The following TMEM150B variants were observed in gnomAD, a reference collection of about 807,000 sequenced individuals.
TMEM150B encodes the protein transmembrane protein 150B, also known as modulator of macroautophagy TMEM150B.
In TMEM150B, 33 loss-of-function variants were observed where a neutral mutation model predicts 25.2. The observed-to-expected ratio is 1.31, with a 90% confidence interval of 0.99 to 1.75. The LOEUF is 1.75. TMEM150B is among the 40% of genes most tolerant of loss of function. The probability of loss-of-function intolerance (pLI) is 0.00; values close to 1 mark genes in which losing one functional copy is unlikely to be tolerated. For synonymous variants in TMEM150B, 133 were observed against 134.8 expected (o/e 0.99, Z 0.09); for missense variants, 322 against 306.1 (o/e 1.05, Z -0.39).
At chr19:55,320,368 C>T in intron 5 of TMEM150B, 23 bp downstream of exon 5, 1 of 1,522,636 alleles carries the variant, frequency 6.6e-7, no homozygotes, top group African/African-American at 1.4e-5. Flanking sequence ...GAGCACTGAA[C>T]CAAAGGGCTG....
chr19:55,313,759 C>T (rs1315954439), intron 7 of TMEM150B, among the ~76,000 whole-genome samples: 2 of 152,168 alleles, frequency 1.3e-5, no homozygotes, highest in African/African-American at 2.4e-5. Flanking sequence ...TTCTCGCACC[C>T]TGCTAGCTCC....
chr19:55,322,188 C>G (rs2089224235), intron 2 of TMEM150B, among the ~76,000 whole-genome samples: 1 of 152,092 alleles, frequency 6.6e-6, no homozygotes, highest in Non-Finnish European at 1.5e-5. Context: ...TCCCTCAGAC[C>G]CAGGGTCAGA....
chr19:55,313,807 C>G (rs980389587), intron 7 of TMEM150B, among the ~76,000 whole-genome samples: 2 of 108,902 alleles, frequency 1.8e-5, no homozygotes, highest in Non-Finnish European at 3.9e-5. Context: ...CCTGCAGACT[C>G]CAGGCCTAGT....
At chr19:55,316,735 A>G in intron 7 of TMEM150B, 51 bp downstream of exon 7, 1 of 1,412,594 alleles carries the variant, frequency 7.1e-7, no homozygotes, top group South Asian at 1.7e-5. Flanking sequence ...AGGAAGACCA[A>G]CTCCAGTGAA....
rs1319110835 is a variant in TMEM150B at position 55,323,675 on chromosome 19, G to GT, written c.-153-933dup. Among the ~76,000 whole-genome samples the GT allele has an allele frequency of 3.3e-5, 5 of 150,876 alleles. No homozygotes were observed. In the South Asian group the frequency reaches 1.1e-3, roughly 32 times the overall value. ...GTGCCACCATGCCTGGCTAATTTTTGTATTTTTAGTAGAGATGGGGTTTCA... is the reference window on the plus strand; with the variant it reads ...GTGCCACCATGCCTGGCTAATTTTTGTTATTTTTAGTAGAGATGGGGTTTCA... On this transcript the variant is annotated intron_variant, in intron 1 of 7. Coordinates refer to ENST00000326652, the MANE Select transcript of TMEM150B (RefSeq NM_001282011.2).
chr19:55,311,258 G>A (rs942041476), downstream of TMEM150B, among the ~76,000 whole-genome samples: 8 of 152,080 alleles, frequency 5.3e-5, no homozygotes, highest in African/African-American at 9.7e-5. Context: ...CACTGCGCCC[G>A]GCCCACTCAG....
intron 5 of TMEM150B, 63 bp downstream of exon 5, chr19:55,320,328 C>T (rs924833242): frequency 4.7e-6 from 7 of 1,498,764 alleles, no homozygotes; most frequent in Admixed American, 4.7e-5. Context: ...GAGAAAGGAG[C>T]GGTTTCGGAA....
chr19:55,324,799 T>C, intron 1 of TMEM150B: 3 of 985,470 alleles, frequency 3.0e-6, no homozygotes, highest in Non-Finnish European at 3.6e-6. Context: ...TTCGCTTCTT[T>C]TTCCGGAGGT....
At chr19:55,319,539 A>G (rs1004515620) in intron 6 of TMEM150B, 4 of 139,802 alleles carry the variant, frequency 2.9e-5, no homozygotes, top group Non-Finnish European at 5.6e-5. Context: ...TCCACCTCCC[A>G]GGTTCAAATG....
chr19:55,319,422 A>ATCTTCT (rs1414901071), intron 6 of TMEM150B: 1 of 111,510 alleles, frequency 9.0e-6, no homozygotes, highest in Non-Finnish European at 1.7e-5. Context: ...CAGTAATTTC[A>ATCTTCT]TCTTCTTCTT....
In TMEM150B at chr19:55,315,455, C is replaced by G. The variant is rs148175125; in HGVS notation, c.505+1331G>C. 1.8e-3 allele frequency among the ~76,000 whole-genome samples: 278 copies of G among 152,068 alleles called. 1 individual carries two copies. Among genetic ancestry groups the G allele is most frequent in the African/African-American group, 6.4e-3 (267 of 41,498 alleles). On this transcript the variant is annotated intron_variant, in intron 7 of 7. Coordinates refer to ENST00000326652, the MANE Select transcript of TMEM150B (RefSeq NM_001282011.2). ...GACCAGCCTGGCCAATATGATGAAACCCCGTCTCTACTAAAAATACAAAAG... is the reference window on the plus strand; with the variant it reads ...GACCAGCCTGGCCAATATGATGAAAGCCCGTCTCTACTAAAAATACAAAAG...
chr19:55,320,178 G>T lies in TMEM150B; in HGVS notation c.197-12C>A. On this transcript the variant is annotated splice_polypyrimidine_tract_variant and intron_variant, in intron 5 of 7. Transcript: ENST00000326652. The stretch of plus-strand genomic sequence containing the variant: ...GCAGATCCACGCGGCTGGGAGTAGA[G>T]GGGAGAAGGAAGTGGGAGGGAGACC... The T allele has an allele frequency of 6.2e-7, 1 of 1,613,220 alleles. No homozygotes were observed. Among genetic ancestry groups the T allele is most frequent in the East Asian group, 2.2e-5 (1 of 44,864 alleles).
At chr19:55,324,086 G>A (rs2089275081) in intron 1 of TMEM150B, among the ~76,000 whole-genome samples, 2 of 152,116 alleles carry the variant, frequency 1.3e-5, no homozygotes, top group African/African-American at 4.8e-5. Context: ...GGGATTACAG[G>A]CGGAAGCCAT....
intron 2 of TMEM150B, among the ~76,000 whole-genome samples, chr19:55,321,552 C>T (rs1439429747): frequency 6.6e-6 from 1 of 152,088 alleles, no homozygotes; most frequent in Non-Finnish European, 1.5e-5. Context: ...CTCTCTACCT[C>T]CAAACCGCCA....
chr19:55,312,054 A>T, downstream of TMEM150B: 2 of 1,463,582 alleles, frequency 1.4e-6, no homozygotes, highest in African/African-American at 2.9e-5. Flanking sequence ...CACCAACGGG[A>T]CCCCTCTGCC....
chr19:55,312,072 C>T, downstream of TMEM150B: 1 of 1,416,338 alleles, frequency 7.1e-7, no homozygotes, highest in East Asian at 2.9e-5. Flanking sequence ...GCCCTGACCC[C>T]ACGGGGCCGG....
chr19:55,311,146 G>C, downstream of TMEM150B, among the ~76,000 whole-genome samples: 1 of 152,096 alleles, frequency 6.6e-6, no homozygotes, highest in Non-Finnish European at 1.5e-5. Flanking sequence ...ATTTTTAGTA[G>C]AGACGGGGTT....
intron 5 of TMEM150B, 28 bp downstream of exon 5, chr19:55,320,363 C>T (rs781677026): frequency 2.2e-5 from 33 of 1,519,170 alleles, no homozygotes; most frequent in Non-Finnish European, 2.6e-5. Context: ...CTTGGGAGCA[C>T]TGAACCAAAG....
intron 6 of TMEM150B, 176 bp downstream of exon 6, chr19:55,319,863 C>CA: frequency 1.4e-6 from 2 of 1,432,908 alleles, no homozygotes; most frequent in Non-Finnish European, 1.8e-6. Context: ...GTGCCCCACT[C>CA]AGAGAGCAAA....
Sources: allele counts gnomAD v4.1 joint callset (sites outside exome capture counted in the v4.1 genomes callset), GRCh38; gene constraint gnomAD v4.1.1; transcripts MANE v1.5; gene names NCBI Gene and HGNC (gene_info 2026-07-23, HGNC 2026-07-21).